The following PDE8B variants were observed in gnomAD, a reference collection of about 807,000 sequenced individuals.
The protein encoded by PDE8B is phosphodiesterase 8B.
Under a neutral mutation model 101.3 loss-of-function variants are expected in PDE8B, and 26 were observed. The observed-to-expected ratio is 0.26, with a 90% CI of 0.19 to 0.36. PDE8B has a LOEUF of 0.36. PDE8B is among the 10% of genes least tolerant of loss of function. PDE8B has a pLI of 1.00. For synonymous variants in PDE8B, 424 were observed against 429.3 expected, an observed-to-expected ratio of 0.99 and a Z score of 0.15; for missense variants, 810 against 1,163.1, an observed-to-expected ratio of 0.70 and a Z score of 4.42.
intron 1 of PDE8B, among the ~76,000 whole-genome samples, chr5:77,282,170 G>A (rs1050995156): frequency 5.9e-5 from 9 of 152,100 alleles, no homozygotes; most frequent in East Asian, 3.9e-4. Context: ...ATTTAAGCAC[G>A]TCTCTTCCCC....
intron 1 of PDE8B, among the ~76,000 whole-genome samples, chr5:77,273,611 G>A (rs374098589): frequency 2.0e-5 from 3 of 152,106 alleles, no homozygotes; most frequent in Non-Finnish European, 2.9e-5. Context: ...TTTTGCCTGG[G>A]GACAGGAGTA....
chr5:77,274,291 G>A (rs1054962240), intron 1 of PDE8B, among the ~76,000 whole-genome samples: 10 of 152,202 alleles, frequency 6.6e-5, no homozygotes, highest in African/African-American at 2.4e-4. Context: ...CTGAGGTTCA[G>A]GAAGTTAATC....
intron 10 of PDE8B, among the ~76,000 whole-genome samples, chr5:77,392,360 G>C (rs11742634): frequency 1.3e-5 from 2 of 152,144 alleles, no homozygotes; most frequent in Non-Finnish European, 2.9e-5. Context: ...ACATTAATAA[G>C]AACTTAAGAA....
intron 6 of PDE8B, among the ~76,000 whole-genome samples, chr5:77,339,379 A>G (rs982172378): frequency 1.1e-4 from 16 of 152,354 alleles, no homozygotes; most frequent in African/African-American, 3.8e-4. Flanking sequence ...TGCCTTCTGC[A>G]CAAGTTTCAG....
chr5:77,306,822 T>A (rs1771326797), intron 1 of PDE8B, among the ~76,000 whole-genome samples: 1 of 152,224 alleles, frequency 6.6e-6, no homozygotes, highest in Non-Finnish European at 1.5e-5. Context: ...CTGCACCAGC[T>A]GGGTTGTATC....
At chr5:77,380,884 A>G (rs1182235097) in intron 10 of PDE8B, among the ~76,000 whole-genome samples, 1 of 152,214 alleles carries the variant, frequency 6.6e-6, no homozygotes, top group East Asian at 1.9e-4. Context: ...TTCCCTTGGA[A>G]ATCGTGTTTG....
chr5:77,259,031 AACACACACACACACACAG>A (rs1759813073), intron 1 of PDE8B, among the ~76,000 whole-genome samples: 1 of 134,250 alleles, frequency 7.4e-6, no homozygotes, highest in African/African-American at 2.8e-5. Context: ...CCCTGCCTCC[AACACACACACACACACAG>A]ACACACACAC....
chr5:77,114,843 G>T, the PDE8B span: 1 of 152,096 alleles, frequency 6.6e-6, no homozygotes, highest in African/African-American at 2.4e-5. Flanking sequence ...AACCAACAAT[G>T]GTACCATTTT....
Position 77,419,761 on chromosome 5 carries a change from T to C in PDE8B, c.2130-6T>C, listed in dbSNP as rs1334590852. 1.2e-6 allele frequency: 2 copies of C among 1,613,872 alleles called. No individual in the cohort carries two copies. The highest frequency in any genetic ancestry group is 1.1e-5 in the South Asian group (1 of 91,046). On this transcript the variant is annotated splice_region_variant and splice_polypyrimidine_tract_variant and intron_variant, in intron 18 of 21. Coordinates refer to ENST00000264917, the MANE Select transcript of PDE8B (RefSeq NM_003719.5). ...AACAAGCCCCTTTGTCTTGTGGTTATTTTAGGAACCATTATCGAACGCTGC... is the reference window on the plus strand; with the variant it reads ...AACAAGCCCCTTTGTCTTGTGGTTACTTTAGGAACCATTATCGAACGCTGC...
At chr5:77,271,209 T>C (rs1052521517) in intron 1 of PDE8B, among the ~76,000 whole-genome samples, 2 of 152,250 alleles carry the variant, frequency 1.3e-5, no homozygotes, top group Admixed American at 6.5e-5. Flanking sequence ...ATGGTACATA[T>C]GGTTCCTTTT....
At chr5:77,185,086 G>A in the PDE8B span, among the ~76,000 whole-genome samples, 13 of 152,168 alleles carry the variant, frequency 8.5e-5, no homozygotes, top group Admixed American at 8.5e-4. Flanking sequence ...CAGAAATGAA[G>A]CATATTTCTT....
chr5:77,211,748 G>T lies in PDE8B; in HGVS notation c.339+484G>T, dbSNP rs1748470312. 6.6e-6 allele frequency among the ~76,000 whole-genome samples: 1 copy of T among 152,246 alleles called. No individual in the cohort carries two copies. The highest frequency in any genetic ancestry group is 1.5e-5 in the Non-Finnish European group (1 of 68,040). On this transcript the variant is annotated intron_variant, in intron 1 of 21. Transcript: ENST00000264917. This position sits in a 1 kb window ranked among gnomAD's most constrained non-coding sequence, Gnocchi z 4.1. The stretch of plus-strand genomic sequence containing the variant: ...TTACCTGGGATTACCAGCCAGGCTG[G>T]AGTCTCAGCACAGGAACCGAGCGTA...
chr5:77,400,460 C>T (rs1333872131), intron 11 of PDE8B, among the ~76,000 whole-genome samples, 170 bp downstream of exon 11: 2 of 152,156 alleles, frequency 1.3e-5, no homozygotes, highest in Non-Finnish European at 2.9e-5. Context: ...AGCAGAAATC[C>T]CTTAAAATGT....
chr5:77,160,583 T>C, the PDE8B span, among the ~76,000 whole-genome samples: 1 of 152,194 alleles, frequency 6.6e-6, no homozygotes, highest in African/African-American at 2.4e-5. Context: ...TTATATGTCT[T>C]CTTTTATGAA....
the PDE8B span, among the ~76,000 whole-genome samples, chr5:77,109,364 C>T: frequency 6.6e-6 from 1 of 152,132 alleles, no homozygotes; most frequent in African/African-American, 2.4e-5. Flanking sequence ...AAACTTTGAC[C>T]AGTGGGGCAG....
intron 20 of PDE8B, among the ~76,000 whole-genome samples, chr5:77,423,582 G>A (rs1797160015): frequency 6.8e-6 from 1 of 148,086 alleles, no homozygotes. Context: ...ATCTCATTGT[G>A]GTTTTGATTT....
At chr5:77,325,397 T>C (rs1370454721) in intron 2 of PDE8B, 142 bp from the exon 3 acceptor site, 9 of 763,474 alleles carry the variant, frequency 1.2e-5, no homozygotes, top group Non-Finnish European at 1.8e-5. Context: ...CTTGAACACC[T>C]GGGCTTAAGT....
chr5:77,373,913 C>G (rs1351846951), intron 10 of PDE8B, among the ~76,000 whole-genome samples: 3 of 152,058 alleles, frequency 2.0e-5, no homozygotes, highest in African/African-American at 7.2e-5. Context: ...GCAATGGTGC[C>G]ATCTCAGCTC....
chr5:77,334,314 A>G (rs569790157), intron 5 of PDE8B, among the ~76,000 whole-genome samples: 67 of 152,300 alleles, frequency 4.4e-4, no homozygotes, highest in East Asian at 4.0e-3. Context: ...ATATCCCACA[A>G]CAACTCCCCT....
Sources: allele counts gnomAD v4.1 joint callset (sites outside exome capture counted in the v4.1 genomes callset), GRCh38; gene constraint gnomAD v4.1.1; non-coding constraint Gnocchi (gnomAD v3.1); transcripts MANE v1.5; gene names NCBI Gene and HGNC (gene_info 2026-07-23, HGNC 2026-07-21).